CADM2: variants seen among roughly 807,000 people sequenced by gnomAD.
CADM2 encodes cell adhesion molecule 2.
CADM2 carries 12 observed loss-of-function variants against 49.8 expected under a neutral mutation model. That is an observed-to-expected ratio of 0.24 (90% CI 0.15 to 0.39). The LOEUF (loss-of-function observed/expected upper bound fraction) is 0.39. Among genes scored for constraint, CADM2 ranks in the 10% least tolerant of loss-of-function variants. The pLI is 1.00. For synonymous variants in CADM2, 214 were observed against 175.4 expected (o/e 1.22, Z -1.74); for missense variants, 378 against 492.3 (o/e 0.77, Z 2.20).
intron 1 of CADM2, among the ~76,000 whole-genome samples, chr3:85,279,962 A>G (rs745814811): frequency 6.6e-6 from 1 of 151,444 alleles, no homozygotes; most frequent in Non-Finnish European, 1.5e-5. Context: ...ATTTGCAAAC[A>G]TTTTTTCCTA....
At chr3:86,012,845 G>A in intron 8 of CADM2, 1 of 532,728 alleles carries the variant, frequency 1.9e-6, no homozygotes, top group East Asian at 3.5e-5. Context: ...AGCGGTGGCG[G>A]GCGCCTGTAG....
intron 1 of CADM2, among the ~76,000 whole-genome samples, chr3:85,345,116 G>C (rs1445615503): frequency 6.6e-6 from 1 of 151,874 alleles, no homozygotes; most frequent in Admixed American, 6.6e-5. Context: ...AGGAGTTCGA[G>C]AGCAGCCTGG....
chr3:85,428,586 T>TA (rs2036524137), intron 1 of CADM2, among the ~76,000 whole-genome samples: 2 of 145,250 alleles, frequency 1.4e-5, no homozygotes, highest in African/African-American at 5.0e-5. Context: ...TTATACAAAA[T>TA]AAAAATAATA....
intron 1 of CADM2, among the ~76,000 whole-genome samples, chr3:85,430,356 C>A (rs1380531648): frequency 6.6e-6 from 1 of 151,856 alleles, no homozygotes; most frequent in Non-Finnish European, 1.5e-5. Flanking sequence ...AATGTATTGA[C>A]TCATGAAAGG....
intron 8 of CADM2, among the ~76,000 whole-genome samples, chr3:86,032,378 T>A (rs1734656797): frequency 6.6e-6 from 1 of 151,888 alleles, no homozygotes; most frequent in Non-Finnish European, 1.5e-5. Context: ...TAAACAATGC[T>A]ATAAAATATA....
chr3:85,015,371 G>A (rs2107271357), intron 1 of CADM2, among the ~76,000 whole-genome samples: 1 of 152,200 alleles, frequency 6.6e-6, no homozygotes, highest in Middle Eastern at 3.4e-3. Flanking sequence ...TAATCATGAT[G>A]TGATGCTTCA....
intron 3 of CADM2, among the ~76,000 whole-genome samples, chr3:85,830,725 T>G (rs2074145054): frequency 6.6e-6 from 1 of 151,824 alleles, no homozygotes; most frequent in African/African-American, 2.4e-5. Context: ...TTTTGCATGC[T>G]AATATCCAGT....
chr3:85,248,820 A>T (rs890291020), intron 1 of CADM2, among the ~76,000 whole-genome samples: 1 of 152,146 alleles, frequency 6.6e-6, no homozygotes, highest in Non-Finnish European at 1.5e-5. Flanking sequence ...GCTTCATTTG[A>T]CTCAATAAAT....
At chr3:85,404,235 C>G (rs1219579027) in intron 1 of CADM2, among the ~76,000 whole-genome samples, 1 of 152,098 alleles carries the variant, frequency 6.6e-6, no homozygotes, top group African/African-American at 2.4e-5. Flanking sequence ...CACCACCTCA[C>G]TTTTTTTCTC....
intron 1 of CADM2, among the ~76,000 whole-genome samples, chr3:85,289,373 A>G (rs1373098660): frequency 6.6e-6 from 1 of 152,188 alleles, no homozygotes; most frequent in Non-Finnish European, 1.5e-5. Context: ...AGGGGAAACT[A>G]TTGCATGTTT....
Position 85,482,367 on chromosome 3 carries a change from G to A in CADM2, c.62-244155G>A, listed in dbSNP as rs184082612. Among the ~76,000 whole-genome samples, 46 of 151,896 alleles carry A rather than the reference G, an allele frequency of 3.0e-4. 2 individuals carry two copies. Among genetic ancestry groups the A allele is most frequent in the Admixed American group, 2.3e-3 (35 of 15,208 alleles). ...ATCTGAATACACTATAATAGTTTTT[G>A]AGAGTTTGTCAGAGACTTTTAGAAA... On this transcript the variant is annotated intron_variant, in intron 1 of 9. Coordinates refer to ENST00000383699, the MANE Select transcript of CADM2 (RefSeq NM_001167675.2).
intron 8 of CADM2, among the ~76,000 whole-genome samples, chr3:86,057,192 A>G (rs979414118): frequency 6.6e-6 from 1 of 152,190 alleles, no homozygotes; most frequent in African/African-American, 2.4e-5. Context: ...CTCTCCAGGG[A>G]CTTTGCTTAT....
chr3:85,397,467 T>C (rs1441444284), intron 1 of CADM2, among the ~76,000 whole-genome samples: 3 of 152,036 alleles, frequency 2.0e-5, no homozygotes, highest in Admixed American at 2.0e-4. Context: ...AGTCCAAAGA[T>C]GGAAATAACG....
chr3:85,249,267 C>A (rs997360057), intron 1 of CADM2, among the ~76,000 whole-genome samples: 1 of 152,022 alleles, frequency 6.6e-6, no homozygotes, highest in African/African-American at 2.4e-5. Context: ...ATTTTTCAAT[C>A]CTTGCTAATT....
At chr3:85,287,746 C>A (rs187317270) in intron 1 of CADM2, among the ~76,000 whole-genome samples, 2 of 152,046 alleles carry the variant, frequency 1.3e-5, no homozygotes, top group East Asian at 1.9e-4. Flanking sequence ...ATTTTTTTAA[C>A]CTTTTGAAAG....
chr3:85,020,834 A>G (rs2034470630), intron 1 of CADM2, among the ~76,000 whole-genome samples: 1 of 151,990 alleles, frequency 6.6e-6, no homozygotes, highest in Non-Finnish European at 1.5e-5. Context: ...TTGCGGCACA[A>G]TAAAAAAATG....
intron 1 of CADM2, among the ~76,000 whole-genome samples, chr3:85,563,935 G>T (rs997327381): frequency 2.0e-5 from 3 of 152,092 alleles, no homozygotes; most frequent in South Asian, 4.2e-4. Flanking sequence ...TATTCTGAAT[G>T]AATATAACGT....
chr3:85,567,453 A>T (rs1206788533), intron 1 of CADM2, among the ~76,000 whole-genome samples: 1 of 152,226 alleles, frequency 6.6e-6, no homozygotes, highest in Non-Finnish European at 1.5e-5. Flanking sequence ...CAATAAAATT[A>T]AAAAACTAAT....
Position 85,587,833 on chromosome 3 carries a change from C to A in CADM2, c.62-138689C>A, listed in dbSNP as rs570645572. 2.6e-5 allele frequency among the ~76,000 whole-genome samples: 4 copies of A among 152,042 alleles called. No individual in the cohort carries two copies. In the East Asian group the frequency reaches 7.8e-4, roughly 30 times the overall value. ...GATCTTGGCTCACTGCAGCCTCAAC[C>A]CCCAGTACTCAAGCTATCCTCCCAC... On this transcript the variant is annotated intron_variant, in intron 1 of 9. Coordinates refer to ENST00000383699, the MANE Select transcript of CADM2 (RefSeq NM_001167675.2).
Sources: allele counts gnomAD v4.1 joint callset (sites outside exome capture counted in the v4.1 genomes callset), GRCh38; gene constraint gnomAD v4.1.1; transcripts MANE v1.5; gene names NCBI Gene and HGNC (gene_info 2026-07-23, HGNC 2026-07-21).